Variants in DACH2 observed in about 807,000 individuals in gnomAD.
DACH2 encodes dachshund family transcription factor 2, also known as dachshund homolog 2.
DACH2 carries 17 observed loss-of-function variants against 35.8 expected under a neutral mutation model. The observed-to-expected ratio is 0.48, with a 90% CI of 0.33 to 0.71. DACH2 has a LOEUF of 0.71. DACH2 is among the 30% of genes least tolerant of loss of function. The pLI is 0.02. For missense variants in DACH2, 469 were observed against 472.7 expected (o/e 0.99, Z 0.07); for synonymous variants, 195 against 177.3 (o/e 1.10, Z -0.79).
intron 6 of DACH2, among the ~76,000 whole-genome samples, chrX:86,727,658 T>C (rs2041485209): frequency 9.1e-6 from 1 of 110,166 alleles, no homozygotes; most frequent in Non-Finnish European, 1.9e-5. Flanking sequence ...TCTAGTTGTT[T>C]AAAAGGGTGT....
chrX:86,332,556 A>G (rs1259829296), intron 1 of DACH2, among the ~76,000 whole-genome samples: 1 of 110,868 alleles, frequency 9.0e-6, no homozygotes, highest in African/African-American at 3.3e-5. Context: ...GTATGTGTGT[A>G]TTCAGATAAC....
intron 7 of DACH2, among the ~76,000 whole-genome samples, chrX:86,785,247 G>C (rs2042125901): frequency 8.9e-6 from 1 of 112,063 alleles, no homozygotes; most frequent in Non-Finnish European, 1.9e-5. Flanking sequence ...TGCGTAAGCA[G>C]TGAAATATAC....
At chrX:86,647,662 G>T (rs1638269884) in intron 3 of DACH2, among the ~76,000 whole-genome samples, 1 of 110,388 alleles carries the variant, frequency 9.1e-6, no homozygotes, top group African/African-American at 3.3e-5. Context: ...TGCTAAGAGG[G>T]TAGGTCTTAT....
At chrX:86,473,061 G>T (rs1283445333) in intron 2 of DACH2, among the ~76,000 whole-genome samples, 1 of 111,018 alleles carries the variant, frequency 9.0e-6, no homozygotes, top group Non-Finnish European at 1.9e-5. Flanking sequence ...TACATTTATG[G>T]GTTACATGAG....
chrX:86,579,239 C>A (rs868059902), intron 3 of DACH2, among the ~76,000 whole-genome samples: 1 of 110,222 alleles, frequency 9.1e-6, no homozygotes, highest in African/African-American at 3.3e-5. Context: ...ATTACAGGCA[C>A]CTGCCATTAT....
intron 7 of DACH2, among the ~76,000 whole-genome samples, chrX:86,801,956 T>C (rs1031211744): frequency 2.7e-5 from 3 of 112,210 alleles, no homozygotes; most frequent in African/African-American, 9.7e-5. Flanking sequence ...TCACAACCTC[T>C]ATATCTAGAA....
chrX:86,687,135 C>A (rs2040953850), intron 4 of DACH2, among the ~76,000 whole-genome samples: 1 of 111,891 alleles, frequency 8.9e-6, no homozygotes, highest in Non-Finnish European at 1.9e-5. Flanking sequence ...AATTTGTTCA[C>A]TATTAATTTT....
At position 86,667,470 on chromosome X, in the gene DACH2, A is replaced by T. The variant is rs780164655; in HGVS notation, c.772+16303A>T. 1.2e-4 allele frequency among the ~76,000 whole-genome samples: 12 copies of T among 101,236 alleles called. No individual in the cohort carries two copies. The South Asian group carries it at 5.6e-3, about 47-fold the overall frequency. The allele number at this position is 101,236 out of a possible 115,157, so 87.9% of individuals were successfully genotyped here. Reference sequence around the variant, plus strand: ...GAAAGAGAAAGAAAGAATGAATGAAAGAAAGAAAGAAGGAAGGAAAGAAAG... The same window carrying T: ...GAAAGAGAAAGAAAGAATGAATGAATGAAAGAAAGAAGGAAGGAAAGAAAG... On this transcript the variant is annotated intron_variant, in intron 4 of 11. Transcript: ENST00000373125.
intron 1 of DACH2, among the ~76,000 whole-genome samples, chrX:86,214,528 G>T (rs184670384): frequency 8.9e-6 from 1 of 111,857 alleles, no homozygotes; most frequent in African/African-American, 3.2e-5. Flanking sequence ...TCTACAGTGC[G>T]TGCAGATGAC....
chrX:86,163,575 T>C (rs776994888), intron 1 of DACH2, among the ~76,000 whole-genome samples: 2 of 111,349 alleles, frequency 1.8e-5, no homozygotes, highest in South Asian at 7.6e-4. Context: ...TTTCTGCTTC[T>C]CTTTCTCCTC....
At chrX:86,155,041 G>A (rs2030496680) in intron 1 of DACH2, among the ~76,000 whole-genome samples, 1 of 110,919 alleles carries the variant, frequency 9.0e-6, no homozygotes, top group Admixed American at 9.6e-5. Context: ...GCTTAATAGT[G>A]CCTCTACATT....
chrX:86,762,208 C>T (rs1206957274), intron 7 of DACH2, among the ~76,000 whole-genome samples: 3 of 111,048 alleles, frequency 2.7e-5, no homozygotes, highest in Middle Eastern at 4.6e-3. Flanking sequence ...GCAAATACAT[C>T]GAAAGGGAGG....
chrX:86,305,845 T>A (rs948515319), intron 1 of DACH2, among the ~76,000 whole-genome samples: 2 of 111,350 alleles, frequency 1.8e-5, no homozygotes, highest in Non-Finnish European at 3.8e-5. Flanking sequence ...ATGACAAAAT[T>A]TTCAACATCA....
chrX:86,240,839 G>A (rs1018035724), intron 1 of DACH2, among the ~76,000 whole-genome samples: 44 of 110,156 alleles, frequency 4.0e-4, no homozygotes, highest in Admixed American at 2.6e-3. Flanking sequence ...AAAAGTGTGT[G>A]GCACCTCCCT....
intron 7 of DACH2, among the ~76,000 whole-genome samples, chrX:86,747,496 G>A (rs950101045): frequency 1.8e-5 from 2 of 111,437 alleles, no homozygotes; most frequent in Non-Finnish European, 3.8e-5. Context: ...TTGCAATAAA[G>A]CAAGTCACAC....
intron 4 of DACH2, among the ~76,000 whole-genome samples, chrX:86,663,715 A>G (rs2040633727): frequency 8.9e-6 from 1 of 112,183 alleles, no homozygotes; most frequent in East Asian, 2.8e-4. Flanking sequence ...GCAAAAAAAA[A>G]GAAGTTGTTC....
intron 2 of DACH2, among the ~76,000 whole-genome samples, chrX:86,414,654 C>T (rs1195321778): frequency 9.0e-6 from 1 of 111,559 alleles, no homozygotes; most frequent in Non-Finnish European, 1.9e-5. Context: ...TCTACTCCAC[C>T]ATCCCAATCA....
chrX:86,311,360 T>A (rs1042238289), intron 1 of DACH2, among the ~76,000 whole-genome samples: 1 of 112,069 alleles, frequency 8.9e-6, no homozygotes, highest in African/African-American at 3.2e-5. Context: ...TCACTGGTCT[T>A]ACCATGTTCC....
chrX:86,518,162 C>A (rs1440185348), intron 3 of DACH2, among the ~76,000 whole-genome samples: 1 of 112,074 alleles, frequency 8.9e-6, no homozygotes, highest in Non-Finnish European at 1.9e-5. Context: ...AGTTTTCTTC[C>A]TATTCCTTAT....
Sources: allele counts gnomAD v4.1 joint callset (sites outside exome capture counted in the v4.1 genomes callset), GRCh38; gene constraint gnomAD v4.1.1; transcripts MANE v1.5; gene names NCBI Gene and HGNC (gene_info 2026-07-23, HGNC 2026-07-21).